Variants in ARHGEF28 observed in about 807,000 individuals in gnomAD.
ARHGEF28 encodes the protein 190 kDa guanine nucleotide exchange factor.
A neutral mutation model predicts 206.6 loss-of-function variants in ARHGEF28; 152 were observed. That is an observed-to-expected ratio of 0.74 (90% CI 0.64 to 0.84). The LOEUF (loss-of-function observed/expected upper bound fraction) is 0.84. Ranked by LOEUF, ARHGEF28 falls within the 40% of genes least tolerant of loss-of-function variation. The pLI, the probability that ARHGEF28 is intolerant of heterozygous loss-of-function variation, is 0.00. For missense variants in ARHGEF28, 2,028 were observed against 2,073.2 expected (o/e 0.98, Z 0.42); for synonymous variants, 763 against 776.4 (o/e 0.98, Z 0.29).
intron 1 of ARHGEF28, among the ~76,000 whole-genome samples, chr5:73,667,056 AAGG>A (rs1325371969): frequency 6.7e-6 from 1 of 149,782 alleles, no homozygotes; most frequent in African/African-American, 2.5e-5. Flanking sequence ...TTAGGCAAAA[AAGG>A]AGGGGCAGCA....
intron 35 of ARHGEF28, among the ~76,000 whole-genome samples, chr5:73,937,150 G>T (rs142078575): frequency 1.6e-3 from 246 of 152,352 alleles, no homozygotes; most frequent in Middle Eastern, 3.4e-3. Flanking sequence ...CTGTCTGCAG[G>T]TGTGTCTCTT....
chr5:73,870,316 T>G (rs1760023074), intron 21 of ARHGEF28, 107 bp downstream of exon 21: 1 of 1,307,296 alleles, frequency 7.6e-7, no homozygotes, highest in Non-Finnish European at 1.0e-6. Flanking sequence ...TCTATCATTT[T>G]CTATTTACCT....
At chr5:73,809,276 T>A (rs1755698627) in intron 9 of ARHGEF28, among the ~76,000 whole-genome samples, 1 of 152,220 alleles carries the variant, frequency 6.6e-6, no homozygotes, top group African/African-American at 2.4e-5. Flanking sequence ...AGGGAAATTT[T>A]ATTTACATTC....
intron 4 of ARHGEF28, among the ~76,000 whole-genome samples, chr5:73,756,197 G>C (rs1433428874): frequency 6.6e-6 from 1 of 152,184 alleles, no homozygotes; most frequent in Admixed American, 6.5e-5. Context: ...AAGACCTCTA[G>C]AAGAGTATCT....
intron 34 of ARHGEF28, 75 bp downstream of exon 34, chr5:73,909,972 C>G: frequency 7.0e-7 from 1 of 1,426,610 alleles, no homozygotes; most frequent in Non-Finnish European, 9.1e-7. Flanking sequence ...AGGACACTAA[C>G]CAAACATCTG....
At chr5:73,754,956 A>C (rs780929548) in intron 4 of ARHGEF28, among the ~76,000 whole-genome samples, 4 of 151,420 alleles carry the variant, frequency 2.6e-5, no homozygotes, top group Non-Finnish European at 5.9e-5. Flanking sequence ...TGTCTCAAAC[A>C]CCTGGCCTCA....
chr5:73,881,678 T>C (rs1470983297), intron 22 of ARHGEF28, among the ~76,000 whole-genome samples: 2 of 152,236 alleles, frequency 1.3e-5, no homozygotes, highest in Non-Finnish European at 2.9e-5. Flanking sequence ...CGGTTTCCAT[T>C]ACAATGCTCT....
chr5:73,797,967 G>A (rs909563599), intron 9 of ARHGEF28, among the ~76,000 whole-genome samples: 1 of 152,146 alleles, frequency 6.6e-6, no homozygotes, highest in Non-Finnish European at 1.5e-5. Context: ...CTGAGGAATC[G>A]GATTTTTAAT....
At chr5:73,657,098 G>A (rs2112179250) in intron 1 of ARHGEF28, among the ~76,000 whole-genome samples, 1 of 150,294 alleles carries the variant, frequency 6.7e-6, no homozygotes, top group African/African-American at 2.4e-5. Context: ...GGGAGAACCT[G>A]GGAGGCAGAG....
chr5:73,699,101 T>C (rs1748414510), intron 2 of ARHGEF28, among the ~76,000 whole-genome samples: 1 of 151,960 alleles, frequency 6.6e-6, no homozygotes, highest in Non-Finnish European at 1.5e-5. Flanking sequence ...TGCTTACAGA[T>C]GGTGGAATTA....
intron 2 of ARHGEF28, among the ~76,000 whole-genome samples, chr5:73,686,114 TG>T (rs1274084648): frequency 6.6e-6 from 1 of 152,148 alleles, no homozygotes; most frequent in Non-Finnish European, 1.5e-5. Context: ...CCCCTTGAGT[TG>T]CCCAGTGATC....
At chr5:73,787,691 C>T (rs1245734739) in intron 7 of ARHGEF28, among the ~76,000 whole-genome samples, 1 of 152,108 alleles carries the variant, frequency 6.6e-6, no homozygotes, top group Non-Finnish European at 1.5e-5. Flanking sequence ...ATCCATGTCC[C>T]TGCAAAGGAC....
At chr5:73,855,979 A>G (rs1759006344) in intron 14 of ARHGEF28, among the ~76,000 whole-genome samples, 1 of 152,166 alleles carries the variant, frequency 6.6e-6, no homozygotes, top group African/African-American at 2.4e-5. Context: ...TGACCTAACC[A>G]TTCTTTAATT....
chr5:73,843,992 T>A (rs564867178), intron 11 of ARHGEF28, among the ~76,000 whole-genome samples: 3 of 152,310 alleles, frequency 2.0e-5, no homozygotes, highest in Non-Finnish European at 2.9e-5. Context: ...ATATATTTTT[T>A]AAAAAACTCT....
At chr5:73,644,495 G>A (rs1462168418) in intron 1 of ARHGEF28, among the ~76,000 whole-genome samples, 2 of 152,128 alleles carry the variant, frequency 1.3e-5, no homozygotes, top group African/African-American at 4.8e-5. Context: ...ACCTGAGCAT[G>A]TCCGTTTTCC....
intron 2 of ARHGEF28, among the ~76,000 whole-genome samples, chr5:73,686,679 G>A (rs570538525): frequency 4.0e-5 from 6 of 151,596 alleles, no homozygotes; most frequent in Admixed American, 3.3e-4. Context: ...CACCACGCCC[G>A]GCAAATTTTT....
chr5:73,846,560 T>C, intron 12 of ARHGEF28, 85 bp downstream of exon 12: 1 of 1,276,044 alleles, frequency 7.8e-7, no homozygotes, highest in Non-Finnish European at 1.1e-6. Flanking sequence ...GAAAGACATA[T>C]TATATTTTAT....
chr5:73,857,323 T>C (rs1324019149), intron 14 of ARHGEF28, among the ~76,000 whole-genome samples: 2 of 152,100 alleles, frequency 1.3e-5, no homozygotes, highest in Admixed American at 1.3e-4. Flanking sequence ...AAATTATAAG[T>C]CTAAGGTTTA....
chr5:73,663,291 A>C (rs973006659), intron 1 of ARHGEF28, among the ~76,000 whole-genome samples: 1 of 152,180 alleles, frequency 6.6e-6, no homozygotes, highest in Admixed American at 6.5e-5. Context: ...GATGTGGAAC[A>C]CTTCTTCAGT....
Sources: gnomAD v4.1 joint callset for allele counts (sites outside exome capture counted in the v4.1 genomes callset) on GRCh38, gnomAD v4.1.1 for gene constraint, MANE v1.5 for transcripts, NCBI Gene and HGNC (gene_info 2026-07-23, HGNC 2026-07-21) for gene names.